Variants in POLR3B observed in about 807,000 individuals in gnomAD.
POLR3B encodes the protein DNA-directed RNA polymerase III subunit RPC2.
In POLR3B, 96 loss-of-function variants were observed where a neutral mutation model predicts 147.4. The ratio of observed to expected loss-of-function variants is 0.65; its 90% CI spans 0.55 to 0.77. The LOEUF is 0.77. Among genes scored for constraint, POLR3B ranks in the 30% least tolerant of loss-of-function variants. The pLI is 0.00. For missense variants in POLR3B, 1,036 were observed against 1,413.5 expected (o/e 0.73, Z 4.28); for synonymous variants, 461 against 485.9 (o/e 0.95, Z 0.67).
intron 22 of POLR3B, 132 bp downstream of exon 22, chr12:106,459,500 GAA>G (rs2037908377): frequency 1.4e-6 from 1 of 705,246 alleles, no homozygotes; most frequent in Non-Finnish European, 2.6e-6. Flanking sequence ...ACTTGTCATG[GAA>G]AAAGCATGGC....
chr12:106,376,429 A>C lies in POLR3B; in HGVS notation c.475A>C (p.Asn159His). 2 of 1,612,640 alleles carry C rather than the reference A, an allele frequency of 1.2e-6. No individual in the cohort carries two copies. Among genetic ancestry groups the C allele is most frequent in the Non-Finnish European group, 1.7e-6 (2 of 1,178,946 alleles). ...AACGCCAGCAGAATTTGCCAAACTGAACGAATGTCCCTTAGATCCAGGTAT... is the reference window on the plus strand; with the variant it reads ...AACGCCAGCAGAATTTGCCAAACTGCACGAATGTCCCTTAGATCCAGGTAT... Reference protein sequence around the residue: ...GKTPAEFAKLNECPLDPGGYF... With the variant: ...GKTPAEFAKLHECPLDPGGYF... Residue 159 changes from asparagine to histidine, a missense_variant, in exon 7 of 28, where the codon AAC becomes CAC. Asn to His is a moderately conservative substitution (Grantham distance 68, BLOSUM62 1). Coordinates refer to ENST00000228347, the MANE Select transcript of POLR3B (RefSeq NM_018082.6).
intron 22 of POLR3B, among the ~76,000 whole-genome samples, chr12:106,462,279 G>A (rs2037949212): frequency 6.6e-6 from 1 of 152,024 alleles, no homozygotes. Flanking sequence ...ACGGAGTCTC[G>A]CTCTATTGCC....
rs753943393 is a variant in POLR3B at position 106,459,369 on chromosome 12, G to A, written c.2570+1G>A. The stretch of plus-strand genomic sequence containing the variant: ...CACAGTACAAAGATGTACCCATAAC[G>A]TATGTATTGGTTGTGCCCTGGTAAT... On this transcript the variant is annotated splice_donor_variant, in intron 22 of 27. Coordinates refer to ENST00000228347, the MANE Select transcript of POLR3B (RefSeq NM_018082.6). LOFTEE classifies it high-confidence loss of function. The A allele has an allele frequency of 3.2e-5, 44 of 1,386,584 alleles. No homozygotes were observed. Among genetic ancestry groups the A allele is most frequent in the Admixed American group, 8.4e-5 (5 of 59,710 alleles). 85.9% of individuals were successfully genotyped at this position (1,386,584 alleles called of 1,614,324 possible). A position where few individuals can be genotyped will look rare whatever the true frequency, so the allele number is the denominator to read the frequency against.
At chr12:106,478,133 C>G (rs181038032) in intron 23 of POLR3B, among the ~76,000 whole-genome samples, 3 of 151,952 alleles carry the variant, frequency 2.0e-5, no homozygotes, top group Admixed American at 2.0e-4. Flanking sequence ...TCCCAAATTC[C>G]TCAGCTCAGG....
At chr12:106,384,138 A>G (rs1366827559) in intron 9 of POLR3B, among the ~76,000 whole-genome samples, 1 of 152,226 alleles carries the variant, frequency 6.6e-6, no homozygotes, top group Non-Finnish European at 1.5e-5. Context: ...TGCCTGAAGC[A>G]GGGTCAATCT....
At chr12:106,382,770 T>G (rs2036781179) in intron 9 of POLR3B, among the ~76,000 whole-genome samples, 1 of 152,200 alleles carries the variant, frequency 6.6e-6, no homozygotes, top group African/African-American at 2.4e-5. Context: ...AGATATAGCA[T>G]AATTCTTAAG....
intron 23 of POLR3B, among the ~76,000 whole-genome samples, chr12:106,466,129 T>G (rs1285686277): frequency 6.6e-6 from 1 of 152,228 alleles, no homozygotes; most frequent in Non-Finnish European, 1.5e-5. Context: ...TTCCTGACTT[T>G]TTAATGATCG....
In POLR3B at chr12:106,366,591, A is replaced by ATT; in HGVS notation, c.162+19_162+20insTT. The ATT allele has an allele frequency of 6.3e-7, 1 of 1,597,904 alleles. No homozygotes were observed. The highest frequency in any genetic ancestry group is 1.7e-5 in the Admixed American group (1 of 60,002). ...TGTAGAGGTAAGCATCAGATGTTAG[A>ATT]AATAGACATAAACTAAGGATTAATT... On this transcript the variant is annotated intron_variant, in intron 3 of 27. Transcript: ENST00000228347.
intron 19 of POLR3B, among the ~76,000 whole-genome samples, chr12:106,447,932 C>G (rs924341092): frequency 6.6e-6 from 1 of 152,146 alleles, no homozygotes; most frequent in Non-Finnish European, 1.5e-5. Flanking sequence ...ATGTTCCGCA[C>G]TTTACAGTAG....
chr12:106,460,273 T>C (rs990783606), intron 22 of POLR3B, among the ~76,000 whole-genome samples: 3 of 152,202 alleles, frequency 2.0e-5, no homozygotes, highest in African/African-American at 7.2e-5. Flanking sequence ...TAATAGCATA[T>C]TGGGAATTTA....
At chr12:106,441,156 A>G (rs1157516497) in intron 18 of POLR3B, among the ~76,000 whole-genome samples, 1 of 152,186 alleles carries the variant, frequency 6.6e-6, no homozygotes, top group Non-Finnish European at 1.5e-5. Flanking sequence ...AAACAGTGAT[A>G]ACATTTCCAG....
chr12:106,457,721 T>A (rs1731045037), intron 21 of POLR3B, among the ~76,000 whole-genome samples: 1 of 152,324 alleles, frequency 6.6e-6, no homozygotes, highest in Non-Finnish European at 1.5e-5. Flanking sequence ...CCCTTGCCCT[T>A]ATGGGTCTCA....
chr12:106,477,891 CTTTTTTTTTTTTTTTTTTT>C (rs34915594), intron 23 of POLR3B, among the ~76,000 whole-genome samples: 1 of 70,478 alleles, frequency 1.4e-5, no homozygotes, highest in Non-Finnish European at 2.5e-5. Flanking sequence ...GGCTCCTCCC[CTTTTTTTTTTTTTTTTTTT>C]TTTTTTTTTT....
intron 10 of POLR3B, among the ~76,000 whole-genome samples, chr12:106,394,837 G>A (rs189755220): frequency 1.3e-5 from 2 of 152,326 alleles, no homozygotes; most frequent in East Asian, 3.9e-4. Context: ...CGTACTCTGT[G>A]TGCAGGATTA....
intron 9 of POLR3B, among the ~76,000 whole-genome samples, chr12:106,386,204 G>T (rs913090890): frequency 6.6e-6 from 1 of 152,044 alleles, no homozygotes; most frequent in Non-Finnish European, 1.5e-5. Context: ...AAACTAGCCG[G>T]GCATGGTGGC....
At chr12:106,509,113 A>G (rs1476349748) in intron 27 of POLR3B, among the ~76,000 whole-genome samples, 1 of 152,226 alleles carries the variant, frequency 6.6e-6, no homozygotes, top group Non-Finnish European at 1.5e-5. Flanking sequence ...CTTTCAAAAC[A>G]GTATATTGGC....
chr12:106,392,438 C>G (rs957540503), intron 9 of POLR3B, among the ~76,000 whole-genome samples: 1 of 152,232 alleles, frequency 6.6e-6, no homozygotes, highest in Non-Finnish European at 1.5e-5. Flanking sequence ...GCTAGGATTA[C>G]AGGTGTGAAC....
rs1401241048 is a variant in POLR3B, at chr12:106,405,944, C to G, written c.934C>G (p.Leu312Val). ...AACCAAAATAGAAGAAGCAAGAGAG[C>G]TCCTGGCTTCCACCATTCTGACCCA... Reference protein sequence around the residue: ...KKTKIEEARELLASTILTHVP... With the variant: ...KKTKIEEAREVLASTILTHVP... The change falls in exon 11 of 28, where the codon CTC becomes GTC. Residue 312 changes from leucine to valine, a missense_variant. By Grantham distance (32) the Leu-to-Val change is conservative. Transcript: ENST00000228347. The G allele has an allele frequency of 6.2e-7, 1 of 1,613,480 alleles. No individual in the cohort carries two copies. The highest frequency in any genetic ancestry group is 1.3e-5 in the African/African-American group (1 of 74,904).
chr12:106,441,745 A>G (rs1383185357), intron 18 of POLR3B, among the ~76,000 whole-genome samples: 1 of 152,160 alleles, frequency 6.6e-6, no homozygotes, highest in Non-Finnish European at 1.5e-5. Context: ...CAGGTTATTT[A>G]GTTTTCATTC....
Sources: allele counts gnomAD v4.1 joint callset (sites outside exome capture counted in the v4.1 genomes callset), GRCh38; gene constraint gnomAD v4.1.1; transcripts MANE v1.5; gene names NCBI Gene and HGNC (gene_info 2026-07-23, HGNC 2026-07-21).